CFAP61: variants seen among roughly 807,000 people sequenced by gnomAD.
CFAP61 encodes the protein cilia- and flagella-associated protein 61.
CFAP61 carries 107 observed loss-of-function variants against 135.6 expected under a neutral mutation model. The observed-to-expected ratio is 0.79, with a 90% CI of 0.67 to 0.93. The LOEUF is 0.93. Among genes scored for constraint, CFAP61 ranks in the 40% least tolerant of loss-of-function variants. CFAP61 has a pLI of 0.00. For synonymous variants in CFAP61, 575 were observed against 578.5 expected (o/e 0.99, Z 0.09); for missense variants, 1,507 against 1,556.2 (o/e 0.97, Z 0.53).
chr20:20,188,448 A>C (rs2055671353), intron 14 of CFAP61, among the ~76,000 whole-genome samples: 1 of 152,178 alleles, frequency 6.6e-6, no homozygotes, highest in South Asian at 2.1e-4. Flanking sequence ...TGGGTACCAG[A>C]TTGAGGGTAG....
intron 25 of CFAP61, among the ~76,000 whole-genome samples, chr20:20,338,311 G>T (rs995000531): frequency 6.6e-6 from 1 of 152,214 alleles, no homozygotes; most frequent in Non-Finnish European, 1.5e-5. Context: ...CCTGGCGGCA[G>T]CTGCCTGCCT....
At chr20:20,269,214 CAT>C (rs1387242359) in intron 21 of CFAP61, among the ~76,000 whole-genome samples, 1 of 137,836 alleles carries the variant, frequency 7.3e-6, no homozygotes, top group African/African-American at 2.7e-5. Context: ...TATATATACA[CAT>C]ATATACATAT....
chr20:20,066,210 T>A (rs1308790967), intron 2 of CFAP61, among the ~76,000 whole-genome samples: 1 of 152,158 alleles, frequency 6.6e-6, no homozygotes, highest in Non-Finnish European at 1.5e-5. Flanking sequence ...GAAATAGGAA[T>A]GCTTTTACAC....
chr20:20,185,319 G>A (rs2146860614), intron 13 of CFAP61, among the ~76,000 whole-genome samples: 1 of 152,298 alleles, frequency 6.6e-6, no homozygotes, highest in Middle Eastern at 3.4e-3. Context: ...GGTGGAGGAT[G>A]GCTTGTCAGG....
chr20:20,335,408 A>G (rs999081552), intron 25 of CFAP61, among the ~76,000 whole-genome samples: 2 of 152,226 alleles, frequency 1.3e-5, no homozygotes, highest in African/African-American at 4.8e-5. Flanking sequence ...AAGGAAGTAC[A>G]TCATATCTAA....
chr20:20,213,571 C>G (rs2047821716), intron 17 of CFAP61, among the ~76,000 whole-genome samples: 1 of 151,900 alleles, frequency 6.6e-6, no homozygotes, highest in Non-Finnish European at 1.5e-5. Flanking sequence ...ACAAAGTAAC[C>G]CATTTTGAAG....
rs565368038 is a variant in CFAP61, at chr20:20,204,735, G to C, written c.1932+4833G>C. Among the ~76,000 whole-genome samples the C allele has an allele frequency of 4.6e-4, 70 of 152,202 alleles. No individual in the cohort carries two copies. The South Asian group carries it at 0.014, about 31-fold the overall frequency. On this transcript the variant is annotated intron_variant, in intron 17 of 26. Transcript: ENST00000245957. Reference sequence around the variant, plus strand: ...GCTCTTTGGCCATCACCTTGGTAGAGGTTTCTAAAAAGGCAGACCTGTATT... The same window carrying C: ...GCTCTTTGGCCATCACCTTGGTAGACGTTTCTAAAAAGGCAGACCTGTATT...
chr20:20,310,367 A>C (rs1182174257), intron 25 of CFAP61, among the ~76,000 whole-genome samples: 1 of 152,212 alleles, frequency 6.6e-6, no homozygotes, highest in Non-Finnish European at 1.5e-5. Flanking sequence ...CAAAATTGAC[A>C]TGAGCATTTA....
chr20:20,140,946 G>A (rs1018137249), intron 8 of CFAP61, among the ~76,000 whole-genome samples: 4 of 148,664 alleles, frequency 2.7e-5, no homozygotes, highest in African/African-American at 9.9e-5. Context: ...TTTTGGAGAT[G>A]GAGTCTCACT....
Position 20,323,132 on chromosome 20 carries a change from C to T in CFAP61, c.3423-18699C>T, listed in dbSNP as rs529921355. The T allele has an allele frequency of 2.8e-5, 28 of 985,456 alleles. No homozygotes were observed. The South Asian group carries it at 6.6e-4, about 23-fold the overall frequency. 61.0% of individuals were successfully genotyped at this position (985,456 alleles called of 1,614,324 possible). On this transcript the variant is annotated intron_variant, in intron 25 of 26. Coordinates refer to ENST00000245957, the MANE Select transcript of CFAP61 (RefSeq NM_015585.4). ...CTGCCACTCGACTTCAACTTCTTCC[C>T]GCCAAGGCTCAGCTAGGCGAGGATT... is the stretch of plus-strand genomic sequence containing the variant.
intron 8 of CFAP61, among the ~76,000 whole-genome samples, chr20:20,122,447 G>A (rs1201605887): frequency 6.6e-5 from 10 of 152,130 alleles, no homozygotes; most frequent in Admixed American, 5.2e-4. Flanking sequence ...AAGCTATCAT[G>A]CCTGGCTTGT....
intron 22 of CFAP61, among the ~76,000 whole-genome samples, chr20:20,285,637 G>A (rs865779284): frequency 1.3e-5 from 2 of 152,146 alleles, no homozygotes; most frequent in Middle Eastern, 3.4e-3. Flanking sequence ...CTAAATTGAG[G>A]CCAGACACAG....
At chr20:20,308,753 A>T (rs746309984) in intron 25 of CFAP61, among the ~76,000 whole-genome samples, 3 of 152,198 alleles carry the variant, frequency 2.0e-5, no homozygotes, top group African/African-American at 4.8e-5. Context: ...ATCCCTCTGC[A>T]CATCTTCGTA....
intron 13 of CFAP61, among the ~76,000 whole-genome samples, chr20:20,181,740 C>T (rs2055115060): frequency 6.6e-6 from 1 of 152,190 alleles, no homozygotes; most frequent in Admixed American, 6.6e-5. Flanking sequence ...ATCTCCCTCA[C>T]TGATTCAAGG....
chr20:20,261,501 G>T (rs914642902), intron 20 of CFAP61, among the ~76,000 whole-genome samples: 2 of 152,132 alleles, frequency 1.3e-5, no homozygotes, highest in African/African-American at 4.8e-5. Flanking sequence ...CTCCCTCTAG[G>T]CTGCCCCTCT....
intron 25 of CFAP61, chr20:20,322,862 A>G (rs2057585309): frequency 1.0e-6 from 1 of 985,178 alleles, no homozygotes; most frequent in Non-Finnish European, 1.2e-6. Context: ...TGAAAATCAA[A>G]TTTACTAATA....
chr20:20,296,312 TTCC>T (rs2147078551), intron 24 of CFAP61, among the ~76,000 whole-genome samples: 1 of 78,574 alleles, frequency 1.3e-5, no homozygotes, highest in Non-Finnish European at 2.4e-5. Context: ...CCTTCCTTCC[TTCC>T]CTCCTTCCTT....
intron 26 of CFAP61, among the ~76,000 whole-genome samples, chr20:20,354,540 T>C (rs548842992): frequency 3.3e-4 from 49 of 148,274 alleles, no homozygotes; most frequent in African/African-American, 1.2e-3. Context: ...GAAAGGTAAA[T>C]ACTGCACGAT....
chr20:20,204,128 T>C (rs1436915912), intron 17 of CFAP61, among the ~76,000 whole-genome samples: 1 of 152,192 alleles, frequency 6.6e-6, no homozygotes, highest in African/African-American at 2.4e-5. Flanking sequence ...GTTTATTGTG[T>C]TCATAGAATT....
Sources: allele counts gnomAD v4.1 joint callset (sites outside exome capture counted in the v4.1 genomes callset), GRCh38; gene constraint gnomAD v4.1.1; transcripts MANE v1.5; gene names NCBI Gene and HGNC (gene_info 2026-07-23, HGNC 2026-07-21).